The following PSMD2 variants were observed in gnomAD, a reference collection of about 807,000 sequenced individuals.
PSMD2 encodes 26S proteasome non-ATPase regulatory subunit 2.
A neutral mutation model predicts 101.5 loss-of-function variants in PSMD2; 8 were observed. The ratio of observed to expected loss-of-function variants is 0.08; its 90% confidence interval spans 0.05 to 0.14. The LOEUF (loss-of-function observed/expected upper bound fraction) is 0.14, where lower values mean the gene tolerates loss of function less well. Among genes scored for constraint, PSMD2 ranks in the 10% least tolerant of loss-of-function variants. The pLI, the probability that PSMD2 is intolerant of heterozygous loss-of-function variation, is 1.00. For synonymous variants in PSMD2, 418 were observed against 433.8 expected, an observed-to-expected ratio of 0.96 and a Z score of 0.45; for missense variants, 784 against 1,147.4, an observed-to-expected ratio of 0.68 and a Z score of 4.58.
Position 184,303,030 on chromosome 3 carries a change from A to G in PSMD2, c.1037A>G (p.Asp346Gly). The part of the protein sequence containing the change: ...ELDIMEPKVP[D>G]DIYKTHLENN... Reference sequence around the variant, plus strand: ...GACATCATGGAGCCCAAGGTGCCTGATGACATCTACAAAACCCACCTAGAG... The same window carrying G: ...GACATCATGGAGCCCAAGGTGCCTGGTGACATCTACAAAACCCACCTAGAG... The change falls in exon 8 of 21, where the codon GAT (aspartate) becomes GGT (glycine). Residue 346 changes from aspartate to glycine, a missense_variant. By Grantham distance (94) the Asp-to-Gly change is moderately conservative (BLOSUM62 -1). This residue lies in a region of PSMD2 where 208 missense variants were observed against 301.6 expected (regional missense o/e 0.69). Coordinates refer to ENST00000310118, the MANE Select transcript of PSMD2 (RefSeq NM_002808.5). 6.2e-7 allele frequency: 1 copy of G among 1,614,100 alleles called. No individual in the cohort carries two copies. The highest frequency in any genetic ancestry group is 8.5e-7 in the Non-Finnish European group (1 of 1,180,018).
chr3:184,303,810 G>C, intron 10 of PSMD2, 61 bp downstream of exon 10: 1 of 1,602,904 alleles, frequency 6.2e-7, no homozygotes, highest in Admixed American at 1.7e-5. Context: ...GTGCCTAGCA[G>C]TGCCTCTCTT....
Position 184,303,431 on chromosome 3 carries a change from A to C in PSMD2, c.1181A>C (p.Asp394Ala). The change falls in exon 9 of 21, where the codon GAT (aspartate) becomes GCT (alanine). Residue 394 changes from aspartate (D) to alanine (A), a missense_variant. By Grantham distance (126) the Asp-to-Ala change is moderately radical. This residue lies in a region of PSMD2 where 37 missense variants were observed against 107.0 expected (regional missense o/e 0.35). Transcript: ENST00000310118. Reference sequence around the variant, plus strand: ...GGCCAAGACAAGCTGCTAACAGATGATGGCAACAAATGGCTTTACAAGAAC... The same window carrying C: ...GGCCAAGACAAGCTGCTAACAGATGCTGGCAACAAATGGCTTTACAAGAAC... Reference protein sequence around the residue: ...AFGQDKLLTDDGNKWLYKNKD... With the variant: ...AFGQDKLLTDAGNKWLYKNKD... The C allele has an allele frequency of 6.2e-7, 1 of 1,614,180 alleles. No individual in the cohort carries two copies. Among genetic ancestry groups the C allele is most frequent in the Non-Finnish European group, 8.5e-7 (1 of 1,180,030 alleles).
Position 184,307,711 on chromosome 3 carries a change from A to G in PSMD2, c.2298+3A>G, listed in dbSNP as rs1270702212. On this transcript the variant is annotated splice_donor_region_variant and intron_variant, in intron 18 of 20. Transcript: ENST00000310118. ...TCTTCATGGTGCGCTTGGCACAGGTAAAGAATAGAACTCCTCCACAGAGCG... is the reference window on the plus strand; with the variant it reads ...TCTTCATGGTGCGCTTGGCACAGGTGAAGAATAGAACTCCTCCACAGAGCG... The G allele has an allele frequency of 1.9e-6, 3 of 1,613,742 alleles. No individual in the cohort carries two copies. Among genetic ancestry groups the G allele is most frequent in the African/African-American group, 1.3e-5 (1 of 74,922 alleles).
chr3:184,307,893 C>G lies in PSMD2; in HGVS notation c.2302C>G (p.Leu768Val), dbSNP rs1721887313. The stretch of plus-strand genomic sequence containing the variant: ...TACTTCCCTCTGTTTTTTTCAGGGC[C>G]TGACACATTTAGGGAAGGGCACCCT... ...NLFMVRLAQGLTHLGKGTLTL... is the reference protein window; with the variant it reads ...NLFMVRLAQGVTHLGKGTLTL... The change falls in exon 19 of 21, where the codon CTG becomes GTG. Residue 768 changes from leucine to valine, a missense_variant. Leu to Val is a conservative substitution (Grantham distance 32). This residue lies in a region of PSMD2 where 282 missense variants were observed against 437.6 expected (regional missense o/e 0.64). Transcript: ENST00000310118. The G allele has an allele frequency of 1.9e-6, 3 of 1,613,854 alleles. No homozygotes were observed. In the South Asian group the frequency reaches 3.3e-5, roughly 18 times the overall value.
chr3:184,302,253 C>T (rs1299057921), intron 5 of PSMD2, 117 bp from the exon 6 acceptor site: 13 of 1,233,790 alleles, frequency 1.1e-5, no homozygotes, highest in Non-Finnish European at 1.5e-5. Context: ...GTTCTAACAT[C>T]TAGCACAGTG....
chr3:184,302,134 C>T, intron 5 of PSMD2, 63 bp downstream of exon 5: 8 of 1,516,730 alleles, frequency 5.3e-6, no homozygotes, highest in South Asian at 3.4e-5. Context: ...CTCTCAATTG[C>T]GCCTCCTCTA....
Position 184,308,167 on chromosome 3 carries a change from CTT to C in PSMD2, c.2425+153_2425+154del, listed in dbSNP as rs1180001856. 1.2e-5 allele frequency: 13 copies of C among 1,070,876 alleles called. No individual in the cohort carries two copies. In the East Asian group the frequency reaches 3.1e-4, roughly 25 times the overall value. 66.3% of individuals were successfully genotyped at this position (1,070,876 alleles called of 1,614,324 possible). On this transcript the variant is annotated intron_variant, in intron 19 of 20. Transcript: ENST00000310118. This position sits in a 1 kb window ranked among gnomAD's most constrained non-coding sequence, Gnocchi z 6.0. ...CAGGCTTTGGGCCTGTGACATGAGA[CTT>C]TCATCACCCACACTTTTGATCTGGC...
rs1469804093 is a variant in PSMD2 at position 184,301,262 on chromosome 3, G to A, written c.358-275G>A. ...GAGGCAGGAGAATCACTTGAACCCCGGAGGCAGAGGTTGCAGTGAACCGAG... is the reference window on the plus strand; with the variant it reads ...GAGGCAGGAGAATCACTTGAACCCCAGAGGCAGAGGTTGCAGTGAACCGAG... On this transcript the variant is annotated intron_variant, in intron 3 of 20. Transcript: ENST00000310118. 7.2e-5 allele frequency among the ~76,000 whole-genome samples: 11 copies of A among 151,766 alleles called. No homozygotes were observed. In the East Asian group the frequency reaches 1.9e-3, roughly 27 times the overall value.
At chr3:184,305,165 TAA>T (rs57802821) in intron 12 of PSMD2, among the ~76,000 whole-genome samples, 1,705 of 152,250 alleles carry the variant, frequency 0.011, 25 homozygotes, top group African/African-American at 0.039. Context: ...CCTGAACAAG[TAA>T]TTCAATCTCT....
intron 12 of PSMD2, among the ~76,000 whole-genome samples, chr3:184,305,487 CAAAA>C (rs200304556): frequency 1.8e-5 from 2 of 112,038 alleles, no homozygotes; most frequent in Non-Finnish European, 1.7e-5. Context: ...GACTCTGTCT[CAAAA>C]AAAAAAAAAA....
intron 12 of PSMD2, 89 bp from the exon 13 acceptor site, chr3:184,305,679 G>T: frequency 8.6e-7 from 1 of 1,165,488 alleles, no homozygotes; most frequent in Non-Finnish European, 1.2e-6. Context: ...AGAATATCTT[G>T]CAGTGGACTG....
At chr3:184,307,106 A>T (rs888221910) in intron 16 of PSMD2, among the ~76,000 whole-genome samples, 56 of 151,982 alleles carry the variant, frequency 3.7e-4, no homozygotes, top group African/African-American at 1.3e-3. Context: ...CACCATGCCC[A>T]GCTAATTTTT....
chr3:184,302,251 A>C, intron 5 of PSMD2, 119 bp from the exon 6 acceptor site: 3 of 1,231,030 alleles, frequency 2.4e-6, no homozygotes, highest in Non-Finnish European at 3.4e-6. Context: ...TAGTTCTAAC[A>C]TCTAGCACAG....
chr3:184,299,560 T>G, intron 1 of PSMD2, 159 bp downstream of exon 1: 1 of 1,060,814 alleles, frequency 9.4e-7, no homozygotes, highest in Non-Finnish European at 1.3e-6. Flanking sequence ...CTGCTCCTCA[T>G]TCTCCGTTCC....
chr3:184,303,915 T>G (rs777900487), intron 10 of PSMD2, 32 bp from the exon 11 acceptor site: 1 of 1,614,220 alleles, frequency 6.2e-7, no homozygotes, highest in Non-Finnish European at 8.5e-7. Flanking sequence ...AGATAGAGTA[T>G]CCTGAGTGAA....
At chr3:184,299,830 C>G (rs1721585482) in intron 1 of PSMD2, 21 bp from the exon 2 acceptor site, 1 of 1,606,710 alleles carries the variant, frequency 6.2e-7, no homozygotes, top group Non-Finnish European at 8.5e-7. Context: ...TCTTCATGAG[C>G]TGCTTCTCCC....
chr3:184,307,783 G>C, intron 18 of PSMD2, 75 bp downstream of exon 18: 1 of 1,604,168 alleles, frequency 6.2e-7, no homozygotes, highest in South Asian at 1.1e-5. Flanking sequence ...ATGGAGTGTT[G>C]GCCCAGGAGG....
rs748136563 is a variant in PSMD2, at chr3:184,299,835, T to G, written c.136-16T>G. 1.2e-6 allele frequency: 2 copies of G among 1,609,676 alleles called. No individual in the cohort carries two copies. Among genetic ancestry groups the G allele is most frequent in the Admixed American group, 3.3e-5 (2 of 59,948 alleles). ...GGATTCCTTCTCTTCATGAGCTGCT[T>G]CTCCCAACCCTCCAGTCTGAAGAGG... On this transcript the variant is annotated splice_polypyrimidine_tract_variant and intron_variant, in intron 1 of 20. Coordinates refer to ENST00000310118, the MANE Select transcript of PSMD2 (RefSeq NM_002808.5).
rs963762721 is a variant in PSMD2, at chr3:184,306,917, C to T, written c.2034+83C>T. 9.1e-5 allele frequency: 97 copies of T among 1,065,606 alleles called. 1 individual carries two copies. Among genetic ancestry groups the T allele is most frequent in the Non-Finnish European group, 1.3e-4 (94 of 714,108 alleles). 66.0% of individuals were successfully genotyped at this position (1,065,606 alleles called of 1,614,324 possible). A position where few individuals can be genotyped will look rare whatever the true frequency, so the allele number is the denominator to read the frequency against. On this transcript the variant is annotated intron_variant, in intron 16 of 20. Coordinates refer to ENST00000310118, the MANE Select transcript of PSMD2 (RefSeq NM_002808.5). ...AGGGAAGATTTTTCTGATGGGTTTT[C>T]TTGGTGGAGAGCTGGTCTTTTTGCT... is the stretch of plus-strand genomic sequence containing the variant.
Sources: gnomAD v4.1 joint callset for allele counts (sites outside exome capture counted in the v4.1 genomes callset) on GRCh38, gnomAD v4.1.1 for gene constraint, gnomAD v4.1.1 regional missense constraint, Gnocchi (gnomAD v3.1) non-coding constraint, MANE v1.5 for transcripts, NCBI Gene and HGNC (gene_info 2026-07-23, HGNC 2026-07-21) for gene names.